AGPAT3: variants seen among roughly 807,000 people sequenced by gnomAD.
AGPAT3 encodes the protein 1-acyl-sn-glycerol-3-phosphate acyltransferase gamma.
AGPAT3 carries 5 observed loss-of-function variants against 47.3 expected under a neutral mutation model. The ratio of observed to expected loss-of-function variants is 0.11; its 90% CI spans 0.06 to 0.22. AGPAT3 has a LOEUF of 0.22. Among genes scored for constraint, AGPAT3 ranks in the 10% least tolerant of loss-of-function variants. The pLI is 1.00. For missense variants in AGPAT3, 315 were observed against 493.0 expected, an observed-to-expected ratio of 0.64 and a Z score of 3.42; for synonymous variants, 212 against 208.3, an observed-to-expected ratio of 1.02 and a Z score of -0.15.
intron 2 of AGPAT3, among the ~76,000 whole-genome samples, chr21:43,936,951 G>A (rs759148685): frequency 1.5e-4 from 23 of 152,364 alleles, no homozygotes; most frequent in Admixed American, 3.3e-4. Flanking sequence ...ATATTTAGAA[G>A]TAGGCTGTGG....
Position 43,970,839 on chromosome 21 carries a change from G to A in AGPAT3, c.664+33G>A, listed in dbSNP as rs764067175. On this transcript the variant is annotated intron_variant, in intron 6 of 9. Transcript: ENST00000291572. This position sits in a 1 kb window ranked among gnomAD's most constrained non-coding sequence, Gnocchi z 5.8. ...CCAGACTGCCCGAGCCGGGGCCACC[G>A]CTATGCTCACGGAAAATAGTGATTT... The A allele has an allele frequency of 2.1e-5, 31 of 1,480,452 alleles. 1 individual carries two copies. The South Asian group carries it at 2.9e-4, about 14-fold the overall frequency. The allele number at this position is 1,480,452 out of a possible 1,614,324, so 91.7% of individuals were successfully genotyped here. A position where few individuals can be genotyped will look rare whatever the true frequency, so the allele number is the denominator to read the frequency against.
At chr21:43,931,836 G>C (rs1421113564) in intron 2 of AGPAT3, among the ~76,000 whole-genome samples, 1 of 152,004 alleles carries the variant, frequency 6.6e-6, no homozygotes, top group Non-Finnish European at 1.5e-5. Flanking sequence ...TTGCTGTAAA[G>C]AGCATGATGA....
chr21:43,910,816 C>A (rs1189789781), intron 2 of AGPAT3, among the ~76,000 whole-genome samples: 2 of 152,174 alleles, frequency 1.3e-5, no homozygotes, highest in African/African-American at 2.4e-5. Flanking sequence ...CAAATCTCAT[C>A]AGTGTTCAGG....
chr21:43,985,046 G>A lies in AGPAT3; in HGVS notation c.*2654G>A, dbSNP rs1402498798. The A allele has an allele frequency of 2.2e-6, 1 of 451,496 alleles. No homozygotes were observed. Among genetic ancestry groups the A allele is most frequent in the Admixed American group, 2.4e-5 (1 of 41,940 alleles). 28.0% of individuals were successfully genotyped at this position (451,496 alleles called of 1,614,324 possible). A position where few individuals can be genotyped will look rare whatever the true frequency, so the allele number is the denominator to read the frequency against. Reference sequence around the variant, plus strand: ...CCCACCCAGAGCCAGGCGCCACACTGGAGGCTCCCAGGCGGGAGGGCCCAG... The same window carrying A: ...CCCACCCAGAGCCAGGCGCCACACTAGAGGCTCCCAGGCGGGAGGGCCCAG... On this transcript the variant is annotated 3_prime_UTR_variant, in exon 10 of 10. Coordinates refer to ENST00000291572, the MANE Select transcript of AGPAT3 (RefSeq NM_020132.5).
chr21:43,927,325 C>A (rs1004250099), intron 2 of AGPAT3, among the ~76,000 whole-genome samples: 4 of 151,964 alleles, frequency 2.6e-5, no homozygotes, highest in Admixed American at 1.3e-4. Flanking sequence ...AAAAAAGAAC[C>A]CCACAGAGTT....
In AGPAT3 at chr21:43,886,080, C is replaced by T. The variant is rs528045206; in HGVS notation, c.-111-17877C>T. Among the ~76,000 whole-genome samples the T allele has an allele frequency of 4.6e-5, 7 of 152,296 alleles. No individual in the cohort carries two copies. The South Asian group carries it at 8.3e-4, about 18-fold the overall frequency. On this transcript the variant is annotated intron_variant, in intron 1 of 9. Transcript: ENST00000291572. ...CCTGCAAAGGGCACAGCTGGGTGGA[C>T]GCAGCACCTGCGGCCAGAGACTGGT...
chr21:43,961,746 G>C (rs1478528791), intron 3 of AGPAT3, among the ~76,000 whole-genome samples: 1 of 151,628 alleles, frequency 6.6e-6, no homozygotes, highest in South Asian at 2.1e-4. Flanking sequence ...AACGGTGAGC[G>C]CGTATACACT....
intron 7 of AGPAT3, among the ~76,000 whole-genome samples, chr21:43,974,597 G>A (rs1361241127): frequency 2.6e-5 from 4 of 151,510 alleles, no homozygotes; most frequent in Non-Finnish European, 5.9e-5. Context: ...AGGGTGGTGT[G>A]TGTGTGGTGT....
intron 2 of AGPAT3, among the ~76,000 whole-genome samples, chr21:43,929,371 C>T (rs959027680): frequency 1.9e-4 from 29 of 152,354 alleles, no homozygotes; most frequent in Non-Finnish European, 2.5e-4. Flanking sequence ...CTCTGTCAGC[C>T]GCTCCCTGCC....
At chr21:43,975,148 C>T (rs1417991557) in intron 7 of AGPAT3, among the ~76,000 whole-genome samples, 1 of 145,542 alleles carries the variant, frequency 6.9e-6, no homozygotes, top group African/African-American at 2.6e-5. Context: ...TGGTATGTGT[C>T]GAGGTGTGCT....
chr21:43,910,352 G>A (rs953962365), intron 2 of AGPAT3, among the ~76,000 whole-genome samples: 3 of 152,348 alleles, frequency 2.0e-5, no homozygotes, highest in South Asian at 2.1e-4. Context: ...GGCTGTGGCC[G>A]CGCGTATTGC....
intron 2 of AGPAT3, among the ~76,000 whole-genome samples, chr21:43,918,450 G>A (rs1412518880): frequency 6.6e-6 from 1 of 152,088 alleles, no homozygotes; most frequent in African/African-American, 2.4e-5. Flanking sequence ...GGGCTATGTA[G>A]GAAGTGGGGA....
intron 1 of AGPAT3, among the ~76,000 whole-genome samples, chr21:43,899,879 A>T (rs1204058684): frequency 6.6e-6 from 1 of 152,058 alleles, no homozygotes; most frequent in African/African-American, 2.4e-5. Context: ...GTCAAGAAGA[A>T]ATTGGGAAGA....
intron 1 of AGPAT3, among the ~76,000 whole-genome samples, chr21:43,891,749 C>T (rs748790539): frequency 3.9e-5 from 6 of 152,172 alleles, no homozygotes; most frequent in Non-Finnish European, 8.8e-5. Flanking sequence ...GCTATTTCCA[C>T]CACTTCTGCA....
At position 43,921,672 on chromosome 21, in the gene AGPAT3, C is replaced by T. The variant is rs1409577232; in HGVS notation, c.-49+17653C>T. On this transcript the variant is annotated intron_variant, in intron 2 of 9. Transcript: ENST00000291572. ...CACCAGGTGATGAGCAGCCCTGGAG[C>T]GCTTGTTAGTTTTGTGGTGCCTTTG... 6.6e-5 allele frequency among the ~76,000 whole-genome samples: 10 copies of T among 152,270 alleles called. No individual in the cohort carries two copies. The East Asian group carries it at 1.5e-3, about 23-fold the overall frequency.
At position 43,944,309 on chromosome 21, in the gene AGPAT3, C is replaced by T. The variant is rs934857636; in HGVS notation, c.-48-15325C>T. Among the ~76,000 whole-genome samples the T allele has an allele frequency of 2.6e-5, 4 of 152,232 alleles. No homozygotes were observed. In the South Asian group the frequency reaches 6.2e-4, roughly 24 times the overall value. ...TGGTTCCCGGGCTGGCCCTGCATTG[C>T]GGCTGGGCAGGGGCCACACGTCCCT... On this transcript the variant is annotated intron_variant, in intron 2 of 9. Transcript: ENST00000291572.
rs949830930 is a variant in AGPAT3 at position 43,978,884 on chromosome 21, C to T, written c.843+763C>T. Among the ~76,000 whole-genome samples, 7 of 152,322 alleles carry T rather than the reference C, an allele frequency of 4.6e-5. No homozygotes were observed. In the South Asian group the frequency reaches 6.2e-4, roughly 14 times the overall value. ...AGAACTACTTTCTCTTTGTTTTATA[C>T]GCACAAATGCATGGGGCATTCGATT... On this transcript the variant is annotated intron_variant, in intron 8 of 9. Coordinates refer to ENST00000291572, the MANE Select transcript of AGPAT3 (RefSeq NM_020132.5).
In AGPAT3 at chr21:43,958,384, T is replaced by G. The variant is rs114541467; in HGVS notation, c.-48-1250T>G. ...GTGTGTGTGGTGTAGAGTATGGGGC[T>G]GTGTGCAGCAGTGCGTGTGGGATGT... is the stretch of plus-strand genomic sequence containing the variant. On this transcript the variant is annotated intron_variant, in intron 2 of 9. Transcript: ENST00000291572. Among the ~76,000 whole-genome samples, 515 of 151,658 alleles carry G rather than the reference T, an allele frequency of 3.4e-3. 6 individuals are homozygous for G. The highest frequency in any genetic ancestry group is 0.012 in the African/African-American group (492 of 41,324).
intron 8 of AGPAT3, among the ~76,000 whole-genome samples, chr21:43,980,325 A>C (rs1036952629): frequency 1.3e-5 from 2 of 149,062 alleles, no homozygotes; most frequent in Non-Finnish European, 3.0e-5. Context: ...GGTGCCCTTC[A>C]CTACTTCCCA....
Sources: gnomAD v4.1 joint callset for allele counts (sites outside exome capture counted in the v4.1 genomes callset) on GRCh38, gnomAD v4.1.1 for gene constraint, Gnocchi (gnomAD v3.1) non-coding constraint, MANE v1.5 for transcripts, NCBI Gene and HGNC (gene_info 2026-07-23, HGNC 2026-07-21) for gene names.